CCDC91: variants seen among roughly 807,000 people sequenced by gnomAD.
CCDC91 encodes coiled-coil domain-containing protein 91.
In CCDC91, 48 loss-of-function variants were observed where a neutral mutation model predicts 63.2. That is an observed-to-expected ratio of 0.76 (90% confidence interval 0.60 to 0.97). CCDC91 has a LOEUF of 0.97. Ranked by LOEUF, CCDC91 falls within the 50% of genes least tolerant of loss-of-function variation. The pLI is 0.00. For synonymous variants in CCDC91, 167 were observed against 165.8 expected, an observed-to-expected ratio of 1.01 and a Z score of -0.06; for missense variants, 500 against 494.6, an observed-to-expected ratio of 1.01 and a Z score of -0.10.
chr12:28,285,279 C>T (rs561631789), intron 3 of CCDC91, among the ~76,000 whole-genome samples: 8 of 152,204 alleles, frequency 5.3e-5, no homozygotes, highest in African/African-American at 1.9e-4. Context: ...GTTGAATTTG[C>T]TCCTGTTCGA....
At chr12:28,458,547 G>C (rs1482201793) in intron 11 of CCDC91, among the ~76,000 whole-genome samples, 1 of 125,526 alleles carries the variant, frequency 8.0e-6, no homozygotes, top group African/African-American at 3.0e-5. Flanking sequence ...TTAGCTCACT[G>C]CAACCTCCCC....
Position 28,419,765 on chromosome 12 carries a change from T to G in CCDC91, c.762+28354T>G, listed in dbSNP as rs536096841. Reference sequence around the variant, plus strand: ...TTTTTTAAATTATCATTTTTTTTTTTTTGTTCTTTGAGATAGGATCTCACT... The same window carrying G: ...TTTTTTAAATTATCATTTTTTTTTTGTTGTTCTTTGAGATAGGATCTCACT... On this transcript the variant is annotated intron_variant, in intron 8 of 12. Transcript: ENST00000536442. Among the ~76,000 whole-genome samples the G allele has an allele frequency of 3.6e-3, 540 of 152,044 alleles. 7 individuals are homozygous for G. The highest frequency in any genetic ancestry group is 0.012 in the African/African-American group (503 of 41,484).
intron 7 of CCDC91, among the ~76,000 whole-genome samples, chr12:28,366,409 A>G (rs1007873608): frequency 2.0e-5 from 3 of 152,226 alleles, no homozygotes; most frequent in African/African-American, 7.2e-5. Context: ...CCACCTAGTA[A>G]GACAGAAAAC....
chr12:28,193,860 GT>G (rs1941494058), intron 1 of CCDC91, among the ~76,000 whole-genome samples: 1 of 151,954 alleles, frequency 6.6e-6, no homozygotes, highest in African/African-American at 2.4e-5. Context: ...CTTTGATTAA[GT>G]GTCTGCTGAA....
chr12:28,526,823 T>C (rs1318127412), intron 12 of CCDC91, among the ~76,000 whole-genome samples: 1 of 151,982 alleles, frequency 6.6e-6, no homozygotes, highest in Admixed American at 6.6e-5. Flanking sequence ...TTCTTTGTCT[T>C]TGTTGGATTG....
intron 12 of CCDC91, among the ~76,000 whole-genome samples, chr12:28,511,685 AG>A (rs1939391982): frequency 6.6e-6 from 1 of 151,854 alleles, no homozygotes; most frequent in Admixed American, 6.6e-5. Context: ...GCAGAGTCTG[AG>A]GAAAAGCTGT....
intron 6 of CCDC91, among the ~76,000 whole-genome samples, chr12:28,336,941 G>T (rs1033845618): frequency 1.3e-5 from 2 of 151,972 alleles, no homozygotes; most frequent in African/African-American, 4.8e-5. Context: ...GTTAACTGAA[G>T]ACAATATTTT....
intron 1 of CCDC91, among the ~76,000 whole-genome samples, chr12:28,235,667 A>C (rs559874172): frequency 6.6e-6 from 1 of 151,970 alleles, no homozygotes; most frequent in Non-Finnish European, 1.5e-5. Flanking sequence ...ATCTTCTGGC[A>C]TGCTGCAAAT....
intron 3 of CCDC91, among the ~76,000 whole-genome samples, chr12:28,303,703 T>C: frequency 6.6e-6 from 1 of 152,140 alleles, no homozygotes; most frequent in Non-Finnish European, 1.5e-5. Context: ...TTACATGTTT[T>C]CCACAATTTC....
At chr12:28,193,213 G>A (rs1941418825) in intron 1 of CCDC91, among the ~76,000 whole-genome samples, 1 of 152,206 alleles carries the variant, frequency 6.6e-6, no homozygotes, top group South Asian at 2.1e-4. Flanking sequence ...GTACATTAAG[G>A]TGCAAGTCTT....
intron 12 of CCDC91, 73 bp downstream of exon 12, chr12:28,484,238 A>T: frequency 2.8e-6 from 2 of 712,306 alleles, no homozygotes; most frequent in Non-Finnish European, 2.3e-6. Flanking sequence ...AATAACATGA[A>T]ATTGTAAAAT....
At chr12:28,504,316 G>C (rs1321263600) in intron 12 of CCDC91, among the ~76,000 whole-genome samples, 6 of 151,632 alleles carry the variant, frequency 4.0e-5, no homozygotes, top group Non-Finnish European at 8.8e-5. Flanking sequence ...TTATTGACAA[G>C]AGTTTTGAGT....
At position 28,526,475 on chromosome 12, in the gene CCDC91, G is replaced by A. The variant is rs1425953198; in HGVS notation, c.1216-22588G>A. On this transcript the variant is annotated intron_variant, in intron 12 of 12. Transcript: ENST00000536442. ...TAGGGTTTCTGCTGAGAAATCTATT[G>A]TTAATCTGATTGGTTTTCCTTTATA... is the stretch of plus-strand genomic sequence containing the variant. Among the ~76,000 whole-genome samples the A allele has an allele frequency of 3.3e-5, 5 of 152,072 alleles. No individual in the cohort carries two copies. The East Asian group carries it at 9.7e-4, about 29-fold the overall frequency.
chr12:28,359,668 C>T (rs1371562139), intron 6 of CCDC91, among the ~76,000 whole-genome samples: 1 of 152,088 alleles, frequency 6.6e-6, no homozygotes, highest in African/African-American at 2.4e-5. Context: ...GTAAAGCAGT[C>T]TCTGGGTAAC....
intron 10 of CCDC91, among the ~76,000 whole-genome samples, chr12:28,451,993 T>A (rs1465431845): frequency 6.6e-6 from 1 of 151,632 alleles, no homozygotes; most frequent in African/African-American, 2.4e-5. Context: ...ATTAAAGAGA[T>A]TTACAGACAC....
intron 11 of CCDC91, among the ~76,000 whole-genome samples, chr12:28,461,720 A>G (rs1243422072): frequency 6.6e-6 from 1 of 151,976 alleles, no homozygotes; most frequent in African/African-American, 2.4e-5. Flanking sequence ...ATTCTATTTC[A>G]TTTAGCTCTA....
chr12:28,382,794 A>C (rs1945371907), intron 7 of CCDC91, among the ~76,000 whole-genome samples: 1 of 152,206 alleles, frequency 6.6e-6, no homozygotes, highest in South Asian at 2.1e-4. Flanking sequence ...ATAGGCCTTT[A>C]CTGTATTAAT....
chr12:28,274,621 G>C (rs191178627), intron 3 of CCDC91, among the ~76,000 whole-genome samples: 3,480 of 152,008 alleles, frequency 0.023, 49 homozygotes, highest in Non-Finnish European at 0.037. Flanking sequence ...TGGGAGTTCA[G>C]TCATGATTTG....
intron 3 of CCDC91, among the ~76,000 whole-genome samples, chr12:28,274,067 G>C (rs1462529673): frequency 6.6e-6 from 1 of 152,016 alleles, no homozygotes; most frequent in African/African-American, 2.4e-5. Context: ...ATGGCTAGCT[G>C]GTTTTCCCGG....
Sources: allele counts gnomAD v4.1 joint callset (sites outside exome capture counted in the v4.1 genomes callset), GRCh38; gene constraint gnomAD v4.1.1; transcripts MANE v1.5; gene names NCBI Gene and HGNC (gene_info 2026-07-23, HGNC 2026-07-21).